Variants in SDK1 observed in about 807,000 individuals in gnomAD.
SDK1 encodes protein sidekick-1.
In SDK1, 157 loss-of-function variants were observed where a neutral mutation model predicts 245.5. The observed-to-expected ratio is 0.64, with a 90% CI of 0.56 to 0.73. SDK1 has a LOEUF of 0.73. Ranked by LOEUF, SDK1 falls within the 30% of genes least tolerant of loss-of-function variation. The pLI, the probability that SDK1 is intolerant of heterozygous loss-of-function variation, is 0.00. For missense variants in SDK1, 3,583 were observed against 3,002.3 expected (o/e 1.19, Z -4.52); for synonymous variants, 1,647 against 1,278.5 (o/e 1.29, Z -6.15).
At chr7:3,901,301 C>T (rs1016170032) in intron 5 of SDK1, among the ~76,000 whole-genome samples, 7 of 152,142 alleles carry the variant, frequency 4.6e-5, no homozygotes, top group Admixed American at 1.3e-4. Flanking sequence ...ATTCTCCTGC[C>T]TCAGCCTCCC....
chr7:3,759,290 T>G (rs1219122174), intron 4 of SDK1, among the ~76,000 whole-genome samples: 1 of 152,180 alleles, frequency 6.6e-6, no homozygotes, highest in East Asian at 1.9e-4. Context: ...AGTGGGAATG[T>G]TTAATAGGGA....
chr7:3,343,852 C>G (rs1780419959), intron 1 of SDK1, among the ~76,000 whole-genome samples: 1 of 151,646 alleles, frequency 6.6e-6, no homozygotes, highest in Non-Finnish European at 1.5e-5. Context: ...AAAAAGATAC[C>G]ATACAAACAA....
intron 9 of SDK1, among the ~76,000 whole-genome samples, chr7:3,965,302 T>A (rs896659527): frequency 6.6e-6 from 1 of 152,036 alleles, no homozygotes; most frequent in African/African-American, 2.4e-5. Context: ...CATCTCTGGG[T>A]TTCTCTCAGC....
chr7:4,014,029 C>G (rs1786193709), intron 16 of SDK1, among the ~76,000 whole-genome samples: 1 of 152,256 alleles, frequency 6.6e-6, no homozygotes, highest in Non-Finnish European at 1.5e-5. Flanking sequence ...TTGCCCCTGC[C>G]TTAGCCATTA....
intron 35 of SDK1, among the ~76,000 whole-genome samples, chr7:4,179,698 C>T (rs1409982491): frequency 2.0e-5 from 3 of 151,808 alleles, no homozygotes; most frequent in African/African-American, 7.3e-5. Context: ...TGTAGAGGAG[C>T]CCATTGAGGG....
chr7:3,499,510 C>G (rs1476428950), intron 1 of SDK1, among the ~76,000 whole-genome samples: 3 of 152,218 alleles, frequency 2.0e-5, no homozygotes, highest in East Asian at 1.9e-4. Context: ...ATGTGTTCCT[C>G]TCTCATTGTT....
At position 3,729,479 on chromosome 7, in the gene SDK1, A is replaced by G. The variant is rs550622754; in HGVS notation, c.713+87374A>G. ...TGGGGGCCACATTTGCCATCTTGTG[A>G]GTGAAGGCCAGGGATGCTGGTAAAC... On this transcript the variant is annotated intron_variant, in intron 4 of 44. Transcript: ENST00000404826. 2.1e-4 allele frequency among the ~76,000 whole-genome samples: 32 copies of G among 152,294 alleles called. 3 individuals are homozygous for G. The highest frequency in any genetic ancestry group is 7.7e-4 in the African/African-American group (32 of 41,564).
chr7:4,064,262 A>G (rs958386967), intron 19 of SDK1, among the ~76,000 whole-genome samples: 7 of 152,180 alleles, frequency 4.6e-5, no homozygotes, highest in Non-Finnish European at 8.8e-5. Flanking sequence ...TGGGCAAGGG[A>G]CATGAATAAA....
intron 35 of SDK1, among the ~76,000 whole-genome samples, chr7:4,196,428 C>T (rs1254809275): frequency 6.6e-6 from 1 of 152,244 alleles, no homozygotes; most frequent in Non-Finnish European, 1.5e-5. Flanking sequence ...CCCAGAGAAA[C>T]CTCTGATCTC....
chr7:3,663,147 AG>A (rs774890005), intron 4 of SDK1, among the ~76,000 whole-genome samples: 2 of 152,226 alleles, frequency 1.3e-5, no homozygotes, highest in Non-Finnish European at 2.9e-5. Context: ...AATGGTAAGC[AG>A]AAAAATTGTT....
intron 4 of SDK1, among the ~76,000 whole-genome samples, chr7:3,660,321 T>C (rs1241244373): frequency 6.6e-6 from 1 of 151,038 alleles, no homozygotes; most frequent in East Asian, 2.0e-4. Context: ...AAGAGAGCTT[T>C]TCACCTGATT....
At chr7:3,644,448 T>C (rs1476121720) in intron 4 of SDK1, among the ~76,000 whole-genome samples, 2 of 151,910 alleles carry the variant, frequency 1.3e-5, no homozygotes, top group African/African-American at 4.8e-5. Flanking sequence ...TTTTTCATTC[T>C]TAGTAGACTG....
At chr7:4,112,411 G>C (rs1403208344) in intron 23 of SDK1, among the ~76,000 whole-genome samples, 1 of 152,190 alleles carries the variant, frequency 6.6e-6, no homozygotes, top group African/African-American at 2.4e-5. Context: ...TTTCCTTGTA[G>C]CTTAGTGATT....
intron 4 of SDK1, among the ~76,000 whole-genome samples, chr7:3,683,627 A>T (rs984438789): frequency 6.6e-6 from 1 of 152,196 alleles, no homozygotes; most frequent in Non-Finnish European, 1.5e-5. Flanking sequence ...CACAGCTAAC[A>T]TTCCCTGCGC....
intron 7 of SDK1, among the ~76,000 whole-genome samples, chr7:3,952,989 C>T (rs77220478): frequency 0.028 from 4,326 of 152,074 alleles, 220 homozygotes; most frequent in African/African-American, 0.1. Flanking sequence ...GCCTGTGTTC[C>T]GCAGTGGTAG....
chr7:3,969,117 C>A (rs1454515063), intron 10 of SDK1, 140 bp from the exon 11 acceptor site: 1 of 709,722 alleles, frequency 1.4e-6, no homozygotes, highest in Non-Finnish European at 2.2e-6. Flanking sequence ...CCTCCCCCGA[C>A]GTGGGGATTG....
In SDK1 at chr7:3,962,657, G is replaced by A. The variant is rs752489341; in HGVS notation, c.1235G>A (p.Gly412Glu). Reference protein sequence around the residue: ...ETVDIGCQAMGVPLPTLQWYK... With the variant: ...ETVDIGCQAMEVPLPTLQWYK... ...CCTATTTATTCCCATTCCTACGCAG[G>A]GGTCCCCCTTCCCACCCTCCAGTGG... The change falls in exon 9 of 45, where the codon GGG (glycine) becomes GAG (glutamate). Residue 412 changes from glycine (G) to glutamate (E), a missense_variant and splice_region_variant. Physicochemically the swap from Gly to Glu is moderately conservative, Grantham distance 98. Transcript: ENST00000404826. 1.9e-6 allele frequency: 3 copies of A among 1,603,682 alleles called. No homozygotes were observed. Among genetic ancestry groups the A allele is most frequent in the Non-Finnish European group, 2.6e-6 (3 of 1,174,142 alleles).
chr7:4,003,978 G>T lies in SDK1; in HGVS notation c.2132-6988G>T, dbSNP rs569497019. 1.1e-4 allele frequency among the ~76,000 whole-genome samples: 16 copies of T among 152,362 alleles called. No individual in the cohort carries two copies. The South Asian group carries it at 3.3e-3, about 32-fold the overall frequency. On this transcript the variant is annotated intron_variant, in intron 14 of 44. Coordinates refer to ENST00000404826, the MANE Select transcript of SDK1 (RefSeq NM_152744.4). The stretch of plus-strand genomic sequence containing the variant: ...AGCTTTAAATCCTAGGCAACAATGA[G>T]ATGTGGAGTTTGCACAAGGAGCATT...
intron 4 of SDK1, among the ~76,000 whole-genome samples, chr7:3,666,415 A>G (rs1583287585): frequency 6.6e-6 from 1 of 152,210 alleles, no homozygotes; most frequent in South Asian, 2.1e-4. Context: ...TTAGCTTCAG[A>G]TTTTATCTTA....
Sources: allele counts gnomAD v4.1 joint callset (sites outside exome capture counted in the v4.1 genomes callset), GRCh38; gene constraint gnomAD v4.1.1; transcripts MANE v1.5; gene names NCBI Gene and HGNC (gene_info 2026-07-23, HGNC 2026-07-21).